Variants in SPATA31C2 observed in about 807,000 individuals in gnomAD.
The protein encoded by SPATA31C2 is SPATA31 subfamily C member 2.
SPATA31C2 carries 5 observed loss-of-function variants against 11.4 expected under a neutral mutation model. The observed-to-expected ratio is 0.44, with a 90% CI of 0.23 to 0.92. The LOEUF is 0.92. Ranked by LOEUF, SPATA31C2 falls within the 40% of genes least tolerant of loss-of-function variation. SPATA31C2 has a pLI of 0.24. For missense variants in SPATA31C2, 1,353 were observed against 1,368.6 expected (o/e 0.99, Z 0.18); for synonymous variants, 515 against 538.7 (o/e 0.96, Z 0.61).
chr9:88,130,455 G>T lies in SPATA31C2; in HGVS notation c.2582C>A (p.Pro861His). The change falls in exon 4 of 4, where the codon CCT becomes CAT. Residue 861 changes from proline (P) to histidine (H), a missense_variant. This residue lies in a region of SPATA31C2 where 1,075 missense variants were observed against 992.8 expected (regional missense o/e 1.08). Transcript: ENST00000324915. ...LMEEAVSEFE[P>H]GKATKSETQP... ...GGTCTCTGACTTCGTGGCCTTTCCAGGCTCAAATTCACTAACAGCCTCCTC... is the reference window on the plus strand; with the variant it reads ...GGTCTCTGACTTCGTGGCCTTTCCATGCTCAAATTCACTAACAGCCTCCTC... 3 of 1,613,306 alleles carry T rather than the reference G, an allele frequency of 1.9e-6. No homozygotes were observed. The highest frequency in any genetic ancestry group is 2.5e-6 in the Non-Finnish European group (3 of 1,179,520).
intron 1 of SPATA31C2, 70 bp from the exon 2 acceptor site, chr9:88,133,739 G>T (rs147802329): frequency 6.3e-6 from 10 of 1,591,234 alleles, no homozygotes; most frequent in Non-Finnish European, 7.7e-6. Flanking sequence ...GCCGCAGCAC[G>T]CTGCACTCAT....
intron 1 of SPATA31C2, among the ~76,000 whole-genome samples, chr9:88,136,293 A>G (rs1333791817): frequency 2.1e-5 from 3 of 143,528 alleles, no homozygotes; most frequent in African/African-American, 7.9e-5. Context: ...CATTCCTCTG[A>G]TAAAAGTTAT....
intron 1 of SPATA31C2, among the ~76,000 whole-genome samples, chr9:88,134,232 T>G (rs1825649147): frequency 6.9e-6 from 1 of 145,148 alleles, no homozygotes; most frequent in Non-Finnish European, 1.5e-5. Flanking sequence ...TCCCTGTTCC[T>G]CTGCTCCAGG....
At position 88,131,901 on chromosome 9, in the gene SPATA31C2, C is replaced by T. The variant is rs751675728; in HGVS notation, c.1136G>A (p.Cys379Tyr). The change falls in exon 4 of 4, where the codon TGC becomes TAC. Residue 379 changes from cysteine (C) to tyrosine (Y), a missense_variant. Cys to Tyr is a radical substitution (Grantham distance 194). Around this residue, in one of 6 missense-constraint regions of SPATA31C2, gnomAD observed 1,075 missense variants for 992.8 expected, o/e 1.08. Transcript: ENST00000324915. ...TTGCACTTTATTCTGCGACGCAGGG[C>T]AAGCTACTCCAGTGTTCTTCATCGG... ...LSPMKNTGVA[C>Y]PASQNKVQAL... is the part of the protein sequence containing the mutation. The T allele has an allele frequency of 5.6e-6, 9 of 1,610,282 alleles. No homozygotes were observed. Among genetic ancestry groups the T allele is most frequent in the Middle Eastern group, 2.2e-4 (1 of 4,566 alleles).
In SPATA31C2 at chr9:88,129,729, T is replaced by C. The variant is rs766673002; in HGVS notation, c.3308A>G (p.Glu1103Gly). Residue 1103 changes from glutamate (E) to glycine (G), a missense_variant, in exon 4 of 4, where the codon GAA becomes GGA. Transcript: ENST00000324915. ...PCNHRHPFYS[E>G]HSRMLSYAAS... ...TGCATAGCTCAGCATTCTGCTGTGTTCTGAGTAGAACGGGTGTCTGTGGTT... is the reference window on the plus strand; with the variant it reads ...TGCATAGCTCAGCATTCTGCTGTGTCCTGAGTAGAACGGGTGTCTGTGGTT... 1.1e-5 allele frequency: 18 copies of C among 1,603,158 alleles called. No individual in the cohort carries two copies. In the South Asian group the frequency reaches 1.9e-4, roughly 17 times the overall value.
In SPATA31C2 at chr9:88,133,832, T is replaced by G. The variant is rs1486858310; in HGVS notation, c.190-163A>C. Among the ~76,000 whole-genome samples, 3 of 152,304 alleles carry G rather than the reference T, an allele frequency of 2.0e-5. No homozygotes were observed. The East Asian group carries it at 5.8e-4, about 29-fold the overall frequency. ...ACTCATGTTTAAATGGATGATAAAC[T>G]GCTTTTCTTAGAAAAACAGGAAGAG... On this transcript the variant is annotated intron_variant, in intron 1 of 3. Coordinates refer to ENST00000324915, the MANE Select transcript of SPATA31C2 (RefSeq NM_001350978.3).
chr9:88,134,135 A>G (rs1321414020), intron 1 of SPATA31C2, among the ~76,000 whole-genome samples: 1 of 148,926 alleles, frequency 6.7e-6, no homozygotes, highest in Non-Finnish European at 1.5e-5. Flanking sequence ...AGCCTGCACA[A>G]AAAACAAAAT....
intron 1 of SPATA31C2, among the ~76,000 whole-genome samples, chr9:88,136,746 T>C (rs1385654224): frequency 7.2e-6 from 1 of 139,836 alleles, no homozygotes; most frequent in East Asian, 2.5e-4. Context: ...CTAATTGGTT[T>C]TCTTATTGTC....
At chr9:88,137,503 TC>T (rs1825696835) in intron 1 of SPATA31C2, among the ~76,000 whole-genome samples, 1 of 141,782 alleles carries the variant, frequency 7.1e-6, no homozygotes, top group Non-Finnish European at 1.5e-5. Context: ...GCGCCTGTAA[TC>T]CCCAGCTACT....
Position 88,129,725 on chromosome 9 carries a change from G to A in SPATA31C2, c.3312C>T (p.His1104=), listed in dbSNP as rs367794914. ...TGGCTGCATAGCTCAGCATTCTGCT[G>A]TGTTCTGAGTAGAACGGGTGTCTGT... ...CNHRHPFYSE[H]SRMLSYAASS... is the part of the protein sequence containing the mutation. The change falls in exon 4 of 4, where the codon CAC becomes CAT. Residue 1104 remains histidine, a synonymous_variant. Coordinates refer to ENST00000324915, the MANE Select transcript of SPATA31C2 (RefSeq NM_001350978.3). 6.2e-7 allele frequency: 1 copy of A among 1,603,126 alleles called. No individual in the cohort carries two copies. The highest frequency in any genetic ancestry group is 1.1e-5 in the South Asian group (1 of 90,904).
Position 88,130,864 on chromosome 9 carries a change from C to A in SPATA31C2, c.2173G>T (p.Val725Phe). The change falls in exon 4 of 4, where the codon GTT (valine) becomes TTT (phenylalanine). Residue 725 changes from valine to phenylalanine, a missense_variant. Val to Phe is a conservative substitution (Grantham distance 50, BLOSUM62 -1). This residue lies in a region of SPATA31C2 where 1,075 missense variants were observed against 992.8 expected (regional missense o/e 1.08). Coordinates refer to ENST00000324915, the MANE Select transcript of SPATA31C2 (RefSeq NM_001350978.3). Reference sequence around the variant, plus strand: ...GCCTGAAGCCTCTCTGGCATGTGAACAGATGGTTTGGTCAGCACCTGCTTT... The same window carrying A: ...GCCTGAAGCCTCTCTGGCATGTGAAAAGATGGTTTGGTCAGCACCTGCTTT... ...LRKQVLTKPS[V>F]HMPERLQASS... is the part of the protein sequence containing the mutation. 1 of 1,613,744 alleles carries A rather than the reference C, an allele frequency of 6.2e-7. No individual in the cohort carries two copies. The highest frequency in any genetic ancestry group is 1.1e-5 in the South Asian group (1 of 91,068).
At chr9:88,133,911 C>G (rs1219424146) in intron 1 of SPATA31C2, among the ~76,000 whole-genome samples, 3 of 152,142 alleles carry the variant, frequency 2.0e-5, no homozygotes, top group Non-Finnish European at 2.9e-5. Context: ...AATCCCAGCA[C>G]TTTGGGAGGC....
chr9:88,132,403 G>T lies in SPATA31C2; in HGVS notation c.634C>A (p.His212Asn), dbSNP rs1357685031. Reference protein sequence around the residue: ...PSPEPPALFPHPPRTPDPLAC... With the variant: ...PSPEPPALFPNPPRTPDPLAC... ...AGAGGATCAGGAGTGCGTGGTGGGTGAGGGAAAAGTGCAGGTGGCTCGGGT... is the reference window on the plus strand; with the variant it reads ...AGAGGATCAGGAGTGCGTGGTGGGTTAGGGAAAAGTGCAGGTGGCTCGGGT... The change falls in exon 4 of 4, where the codon CAC becomes AAC. Residue 212 changes from histidine to asparagine, a missense_variant. His to Asn is a moderately conservative substitution (Grantham distance 68). This residue lies in a region of SPATA31C2 where 1,075 missense variants were observed against 992.8 expected (regional missense o/e 1.08). Coordinates refer to ENST00000324915, the MANE Select transcript of SPATA31C2 (RefSeq NM_001350978.3). 6.2e-7 allele frequency: 1 copy of T among 1,611,214 alleles called. No individual in the cohort carries two copies. Among genetic ancestry groups the T allele is most frequent in the Non-Finnish European group, 8.5e-7 (1 of 1,178,102 alleles).
At position 88,130,328 on chromosome 9, in the gene SPATA31C2, A is replaced by T. The variant is rs1825566383; in HGVS notation, c.2709T>A (p.His903Gln). The stretch of plus-strand genomic sequence containing the variant: ...TGTTCCCAGTAGGCATGCTCTGGAG[A>T]TGGCCCTGGGGCACTTGAGAAGCCA... Reference protein sequence around the residue: ...ENLASQVPQGHLQSMPTGNMQ... With the variant: ...ENLASQVPQGQLQSMPTGNMQ... The change falls in exon 4 of 4, where the codon CAT (histidine) becomes CAA (glutamine). Residue 903 changes from histidine (H) to glutamine (Q), a missense_variant. Transcript: ENST00000324915. The T allele has an allele frequency of 1.2e-6, 2 of 1,609,514 alleles. No homozygotes were observed. The highest frequency in any genetic ancestry group is 1.1e-5 in the South Asian group (1 of 90,862).
At chr9:88,136,468 G>A (rs868654294) in intron 1 of SPATA31C2, among the ~76,000 whole-genome samples, 1 of 145,660 alleles carries the variant, frequency 6.9e-6, no homozygotes, top group African/African-American at 2.5e-5. Flanking sequence ...GGTTTATCAG[G>A]TGTGGTTTGC....
chr9:88,135,915 G>A (rs1164481059), intron 1 of SPATA31C2, among the ~76,000 whole-genome samples: 6 of 140,178 alleles, frequency 4.3e-5, no homozygotes, highest in African/African-American at 1.4e-4. Context: ...TAAGTTCCGG[G>A]GTACATGTGC....
chr9:88,136,178 C>T (rs1825678939), intron 1 of SPATA31C2, among the ~76,000 whole-genome samples: 1 of 141,736 alleles, frequency 7.1e-6, no homozygotes, highest in Non-Finnish European at 1.5e-5. Context: ...TGTGATCCGC[C>T]CGCCTTGGCC....
intron 1 of SPATA31C2, among the ~76,000 whole-genome samples, chr9:88,135,546 CTG>C (rs1814518828): frequency 7.5e-6 from 1 of 133,264 alleles, no homozygotes; most frequent in South Asian, 2.4e-4. Context: ...GAGTCCCTCT[CTG>C]TCGCTCAGGC....
chr9:88,130,442 C>G lies in SPATA31C2; in HGVS notation c.2595G>C (p.Thr865=). 6.2e-7 allele frequency: 1 copy of G among 1,613,180 alleles called. No homozygotes were observed. The highest frequency in any genetic ancestry group is 8.5e-7 in the Non-Finnish European group (1 of 1,179,506). ...AAACTTGAGGCTGGGTCTCTGACTTCGTGGCCTTTCCAGGCTCAAATTCAC... is the reference window on the plus strand; with the variant it reads ...AAACTTGAGGCTGGGTCTCTGACTTGGTGGCCTTTCCAGGCTCAAATTCAC... The part of the protein sequence containing the change: ...AVSEFEPGKA[T]KSETQPQVSA... The change falls in exon 4 of 4, where the codon ACG becomes ACC. Residue 865 remains threonine, a synonymous_variant. Coordinates refer to ENST00000324915, the MANE Select transcript of SPATA31C2 (RefSeq NM_001350978.3).
Sources: allele counts gnomAD v4.1 joint callset (sites outside exome capture counted in the v4.1 genomes callset), GRCh38; gene constraint gnomAD v4.1.1; regional missense constraint gnomAD v4.1.1; transcripts MANE v1.5; gene names NCBI Gene and HGNC (gene_info 2026-07-23, HGNC 2026-07-21).